The following NRDC variants were observed in gnomAD, a reference collection of about 807,000 sequenced individuals.
NRDC encodes nardilysin convertase.
A neutral mutation model predicts 147.1 loss-of-function variants in NRDC; 54 were observed. The ratio of observed to expected loss-of-function variants is 0.37; its 90% confidence interval spans 0.29 to 0.46. The LOEUF is 0.46. Ranked by LOEUF, NRDC falls within the 20% of genes least tolerant of loss-of-function variation. NRDC has a pLI of 1.00. For missense variants in NRDC, 1,082 were observed against 1,370.6 expected (o/e 0.79, Z 3.33); for synonymous variants, 440 against 482.1 (o/e 0.91, Z 1.14).
Position 51,866,532 on chromosome 1 carries a change from G to A in NRDC, c.341+11743C>T, listed in dbSNP as rs183493025. 2.7e-4 allele frequency among the ~76,000 whole-genome samples: 41 copies of A among 152,142 alleles called. No individual in the cohort carries two copies. In the East Asian group the frequency reaches 3.1e-3, roughly 11 times the overall value. ...ACAAAAAGAAAAAAGCTAAATTGTG[G>A]CATAGTCATAAAACAAAATATAACA... On this transcript the variant is annotated intron_variant, in intron 1 of 30. Transcript: ENST00000352171.
intron 3 of NRDC, among the ~76,000 whole-genome samples, chr1:51,834,974 AC>A (rs745601533): frequency 1.3e-5 from 2 of 152,180 alleles, no homozygotes; most frequent in Non-Finnish European, 2.9e-5. Flanking sequence ...AGAAAACCAG[AC>A]CATTAAAAAA....
At chr1:51,805,795 C>G (rs1679435271) in intron 18 of NRDC, among the ~76,000 whole-genome samples, 2 of 152,126 alleles carry the variant, frequency 1.3e-5, no homozygotes, top group South Asian at 4.1e-4. Flanking sequence ...AGGGCAGATA[C>G]TTAGAGAGGC....
chr1:51,811,955 T>C (rs778668232), intron 15 of NRDC, 39 bp downstream of exon 15: 22 of 1,331,248 alleles, frequency 1.7e-5, no homozygotes, highest in African/African-American at 4.3e-5. Context: ...ACCCTCCTCT[T>C]CCCCTAAAAG....
At chr1:51,876,698 T>C (rs895484011) in intron 1 of NRDC, among the ~76,000 whole-genome samples, 8 of 152,100 alleles carry the variant, frequency 5.3e-5, no homozygotes, top group Non-Finnish European at 1.0e-4. Flanking sequence ...GGAGAAAATA[T>C]ATCTAGACTT....
At chr1:51,869,031 T>C (rs918997361) in intron 1 of NRDC, among the ~76,000 whole-genome samples, 4 of 152,096 alleles carry the variant, frequency 2.6e-5, no homozygotes, top group Admixed American at 1.3e-4. Flanking sequence ...CCTCAAACTC[T>C]TGTGCTCAAG....
intron 1 of NRDC, among the ~76,000 whole-genome samples, chr1:51,858,935 C>T (rs977666870): frequency 3.9e-5 from 6 of 152,102 alleles, no homozygotes; most frequent in African/African-American, 1.4e-4. Flanking sequence ...CAAGTCAAAC[C>T]TTTGTTTAAG....
In NRDC at chr1:51,833,945, C is replaced by G; in HGVS notation, c.866+72G>C. On this transcript the variant is annotated intron_variant, in intron 4 of 30. Transcript: ENST00000352171. ...AAAGTATTGTGACAATTCTACTGTA[C>G]AAGAACACTCTATTTACATTTGCAA... The G allele has an allele frequency of 4.5e-6, 6 of 1,346,424 alleles. No individual in the cohort carries two copies. The South Asian group carries it at 7.5e-5, about 17-fold the overall frequency. 83.4% of individuals were successfully genotyped at this position (1,346,424 alleles called of 1,614,324 possible).
At position 51,790,970 on chromosome 1, in the gene NRDC, T is replaced by G; in HGVS notation, c.2981A>C (p.Lys994Thr). The change falls in exon 28 of 31, where the codon AAG becomes ACG. Residue 994 changes from lysine to threonine, a missense_variant. Lys to Thr is a moderately conservative substitution (Grantham distance 78). Around this residue, in one of 3 missense-constraint regions of NRDC, gnomAD observed 187 missense variants for 193.6 expected, o/e 0.97. Transcript: ENST00000352171. ...TKYNSEVVDK[K>T]IEEFLSSFEE... is the part of the protein sequence containing the mutation. ...AAAGCTAGAAAGAAACTCTTCTATC[T>G]TCTTATCAACAACTTCAGAACTGAA... is the stretch of plus-strand genomic sequence containing the variant. 3.7e-6 allele frequency: 6 copies of G among 1,612,996 alleles called. No individual in the cohort carries two copies. Among genetic ancestry groups the G allele is most frequent in the Non-Finnish European group, 5.1e-6 (6 of 1,179,344 alleles).
intron 1 of NRDC, among the ~76,000 whole-genome samples, chr1:51,866,055 C>T (rs896962421): frequency 7.1e-6 from 1 of 141,806 alleles, no homozygotes; most frequent in Non-Finnish European, 1.5e-5. Context: ...GACTCCATCT[C>T]AAAAAAAAAA....
In NRDC at chr1:51,789,409, G is replaced by A. The variant is rs1345478718; in HGVS notation, c.3283C>T (p.Leu1095=). Residue 1095 remains leucine, a synonymous_variant, in exon 31 of 31, where the codon CTG becomes TTG. Transcript: ENST00000352171. The stretch of plus-strand genomic sequence containing the variant: ...CTAGAAGGGGTACCATCCTCTTCCA[G>A]TTCATACTTCCCATATCCAACAACC... The part of the protein sequence containing the change: ...VHVVGYGKYE[L]EEDGTPSSED... The A allele has an allele frequency of 3.1e-6, 5 of 1,614,076 alleles. No homozygotes were observed. The highest frequency in any genetic ancestry group is 4.2e-6 in the Non-Finnish European group (5 of 1,179,972).
At chr1:51,833,420 C>G (rs1182752897) in intron 4 of NRDC, among the ~76,000 whole-genome samples, 1 of 147,636 alleles carries the variant, frequency 6.8e-6, no homozygotes, top group Non-Finnish European at 1.5e-5. Context: ...GCCTAGGCAC[C>G]ATGGCAAGAC....
intron 1 of NRDC, among the ~76,000 whole-genome samples, chr1:51,877,051 G>A (rs1020314062): frequency 6.6e-6 from 1 of 152,170 alleles, no homozygotes; most frequent in African/African-American, 2.4e-5. Flanking sequence ...AGCCGGGCGT[G>A]GTGGCGAGCA....
At chr1:51,845,825 T>C (rs2149228519) in intron 1 of NRDC, among the ~76,000 whole-genome samples, 1 of 152,274 alleles carries the variant, frequency 6.6e-6, no homozygotes, top group Non-Finnish European at 1.5e-5. Context: ...ACACCAGGCA[T>C]ATATATACCA....
At chr1:51,865,832 A>G (rs966266203) in intron 1 of NRDC, among the ~76,000 whole-genome samples, 2 of 151,860 alleles carry the variant, frequency 1.3e-5, no homozygotes, top group Non-Finnish European at 2.9e-5. Flanking sequence ...AGGGCGGATC[A>G]GGAGGTCAGG....
chr1:51,866,540 AT>A (rs1391325986), intron 1 of NRDC, among the ~76,000 whole-genome samples: 1 of 152,236 alleles, frequency 6.6e-6, no homozygotes, highest in Non-Finnish European at 1.5e-5. Context: ...TGGCATAGTC[AT>A]AAAACAAAAT....
Position 51,842,265 on chromosome 1 carries a change from TGACA to T in NRDC, c.342-1755_342-1752del, listed in dbSNP as rs570711079. Among the ~76,000 whole-genome samples the T allele has an allele frequency of 3.0e-4, 45 of 151,212 alleles. 1 individual carries two copies. In the East Asian group the frequency reaches 3.3e-3, roughly 11 times the overall value. On this transcript the variant is annotated intron_variant, in intron 1 of 30. Transcript: ENST00000352171. ...TTTTTGGTTTTTGAAAATAAAATCATGACAGACAGAAAACAGGAAAGGACACTGT... is the reference window on the plus strand; with the variant it reads ...TTTTTGGTTTTTGAAAATAAAATCATGACAGAAAACAGGAAAGGACACTGT...
At chr1:51,795,037 G>A in intron 22 of NRDC, 183 bp from the exon 23 acceptor site, 1 of 1,468,232 alleles carries the variant, frequency 6.8e-7, no homozygotes, top group Non-Finnish European at 9.1e-7. Flanking sequence ...TGTGTTTGTG[G>A]AACACTAAGC....
At chr1:51,837,537 G>C in intron 2 of NRDC, 1 of 1,591,360 alleles carries the variant, frequency 6.3e-7, no homozygotes, top group Non-Finnish European at 8.6e-7. Flanking sequence ...CGACCAGCAG[G>C]GTTGAAGACA....
chr1:51,797,400 CCT>C, intron 22 of NRDC, among the ~76,000 whole-genome samples: 1 of 152,188 alleles, frequency 6.6e-6, no homozygotes. Flanking sequence ...TTAGATAACT[CCT>C]ATGAGTGGAA....
Sources: allele counts gnomAD v4.1 joint callset (sites outside exome capture counted in the v4.1 genomes callset), GRCh38; gene constraint gnomAD v4.1.1; regional missense constraint gnomAD v4.1.1; transcripts MANE v1.5; gene names NCBI Gene and HGNC (gene_info 2026-07-23, HGNC 2026-07-21).